Variants in GRM1 observed in about 807,000 individuals in gnomAD.
The protein encoded by GRM1 is glutamate metabotropic receptor 1.
A neutral mutation model predicts 90.9 loss-of-function variants in GRM1; 33 were observed. The observed-to-expected ratio is 0.36, with a 90% CI of 0.28 to 0.49. GRM1 has a LOEUF of 0.49. Ranked by LOEUF, GRM1 falls within the 20% of genes least tolerant of loss-of-function variation. The pLI is 0.99. For missense variants in GRM1, 1,190 were observed against 1,534.3 expected (o/e 0.78, Z 3.75); for synonymous variants, 700 against 613.2 (o/e 1.14, Z -2.09).
intron 1 of GRM1, among the ~76,000 whole-genome samples, chr6:146,145,968 T>C (rs1343066062): frequency 6.6e-6 from 1 of 152,068 alleles, no homozygotes; most frequent in Non-Finnish European, 1.5e-5. Context: ...TTAAAGGAGA[T>C]TCTTCTGAAG....
intron 7 of GRM1, among the ~76,000 whole-genome samples, chr6:146,400,524 C>G (rs976274620): frequency 6.6e-6 from 1 of 152,136 alleles, no homozygotes; most frequent in Non-Finnish European, 1.5e-5. Flanking sequence ...AATTATATTT[C>G]TATAATTCTT....
At chr6:146,251,963 C>G (rs901417695) in intron 2 of GRM1, among the ~76,000 whole-genome samples, 1 of 152,186 alleles carries the variant, frequency 6.6e-6, no homozygotes, top group African/African-American at 2.4e-5. Flanking sequence ...GGATTTTTCT[C>G]AAATACATCT....
intron 1 of GRM1, among the ~76,000 whole-genome samples, chr6:146,049,252 A>AAGC (rs1269866212): frequency 6.6e-6 from 1 of 151,974 alleles, no homozygotes; most frequent in Non-Finnish European, 1.5e-5. Context: ...ATAGCTGGTA[A>AAGC]AGCATCATTT....
intron 2 of GRM1, among the ~76,000 whole-genome samples, chr6:146,162,430 C>T (rs1777761644): frequency 6.6e-6 from 1 of 152,172 alleles, no homozygotes; most frequent in Admixed American, 6.6e-5. Context: ...ACCATCAAAA[C>T]ATATTCAGAT....
At chr6:146,403,372 T>G (rs1408782600) in intron 7 of GRM1, among the ~76,000 whole-genome samples, 1 of 152,154 alleles carries the variant, frequency 6.6e-6, no homozygotes, top group African/African-American at 2.4e-5. Context: ...TCCTATGATA[T>G]TTTGCATGCA....
intron 2 of GRM1, among the ~76,000 whole-genome samples, chr6:146,168,240 C>T (rs922021354): frequency 6.6e-6 from 1 of 151,796 alleles, no homozygotes; most frequent in Non-Finnish European, 1.5e-5. Flanking sequence ...CTATTTTTGG[C>T]TTACTAGCTA....
At chr6:146,108,632 T>A (rs769233599) in intron 1 of GRM1, among the ~76,000 whole-genome samples, 1 of 152,152 alleles carries the variant, frequency 6.6e-6, no homozygotes, top group African/African-American at 2.4e-5. Context: ...ACCAGTAGAC[T>A]GGGGTGCTGC....
chr6:146,159,641 T>A (rs3841026), intron 2 of GRM1, 44 bp downstream of exon 2: 116,647 of 703,030 alleles, frequency 0.17, 10,150 homozygotes, highest in African/African-American at 0.43. Flanking sequence ...TCTCTCTCTC[T>A]CACACACACA....
rs897186561 is a variant in GRM1 at position 146,353,375 on chromosome 6, C to T, written c.1433+879C>T. ...TGTCACCTGTCAGTCTACGATGTCC[C>T]AGACTTAGAGCTTTTTAGAAAAGCA... On this transcript the variant is annotated intron_variant, in intron 4 of 7. Coordinates refer to ENST00000282753, the MANE Select transcript of GRM1 (RefSeq NM_001278064.2). Among the ~76,000 whole-genome samples, 7 of 152,274 alleles carry T rather than the reference C, an allele frequency of 4.6e-5. 1 individual carries two copies. Among genetic ancestry groups the T allele is most frequent in the African/African-American group, 1.7e-4 (7 of 41,552 alleles).
chr6:146,192,676 GT>G (rs1295762356), intron 2 of GRM1, among the ~76,000 whole-genome samples: 6 of 152,090 alleles, frequency 3.9e-5, no homozygotes, highest in African/African-American at 1.4e-4. Flanking sequence ...CATTTAAACT[GT>G]GTTGTGACCA....
At chr6:146,052,035 T>C (rs1400702251) in intron 1 of GRM1, among the ~76,000 whole-genome samples, 1 of 152,084 alleles carries the variant, frequency 6.6e-6, no homozygotes, top group East Asian at 1.9e-4. Context: ...TCTTCTGATT[T>C]ATATAGCACT....
At chr6:146,413,506 A>G (rs1777645858) in intron 7 of GRM1, among the ~76,000 whole-genome samples, 1 of 152,090 alleles carries the variant, frequency 6.6e-6, no homozygotes, top group Non-Finnish European at 1.5e-5. Context: ...CCTAGTATCT[A>G]TATATTAAAT....
intron 5 of GRM1, among the ~76,000 whole-genome samples, chr6:146,377,262 T>C (rs1000837020): frequency 6.6e-5 from 10 of 152,084 alleles, no homozygotes; most frequent in African/African-American, 1.7e-4. Flanking sequence ...TGGAACAGTT[T>C]GGAGGGCTCA....
chr6:146,117,011 TG>T (rs1775774777), intron 1 of GRM1, among the ~76,000 whole-genome samples: 1 of 151,956 alleles, frequency 6.6e-6, no homozygotes, highest in Admixed American at 6.6e-5. Flanking sequence ...GGAAGAAGTT[TG>T]ACAATATTTT....
intron 3 of GRM1, among the ~76,000 whole-genome samples, chr6:146,335,636 C>G (rs1208643945): frequency 1.3e-5 from 2 of 152,114 alleles, no homozygotes; most frequent in African/African-American, 4.8e-5. Flanking sequence ...CATTTTTAAT[C>G]TTTAAAGTTC....
At chr6:146,291,539 C>A (rs1313345646) in intron 2 of GRM1, among the ~76,000 whole-genome samples, 1 of 151,684 alleles carries the variant, frequency 6.6e-6, no homozygotes, top group Non-Finnish European at 1.5e-5. Context: ...TCCCCCTTGT[C>A]TTCTCTTTCA....
intron 7 of GRM1, among the ~76,000 whole-genome samples, chr6:146,420,741 G>A (rs1777961113): frequency 6.6e-6 from 1 of 152,094 alleles, no homozygotes; most frequent in African/African-American, 2.4e-5. Context: ...GGTAAATAAA[G>A]GAAAAGAATC....
intron 2 of GRM1, among the ~76,000 whole-genome samples, chr6:146,273,990 C>T (rs180757435): frequency 1.3e-5 from 2 of 152,274 alleles, no homozygotes; most frequent in Admixed American, 6.5e-5. Context: ...TATGCAGATG[C>T]ATAGGAATAA....
At chr6:146,314,191 C>T (rs574777880) in intron 3 of GRM1, among the ~76,000 whole-genome samples, 5 of 147,836 alleles carry the variant, frequency 3.4e-5, no homozygotes, top group East Asian at 4.2e-4. Context: ...CTCAATCTCA[C>T]GAGTAGCTGA....
Sources: gnomAD v4.1 joint callset for allele counts (sites outside exome capture counted in the v4.1 genomes callset) on GRCh38, gnomAD v4.1.1 for gene constraint, MANE v1.5 for transcripts, NCBI Gene and HGNC (gene_info 2026-07-23, HGNC 2026-07-21) for gene names.